The following FCAMR variants were observed in gnomAD, a reference collection of about 807,000 sequenced individuals.
FCAMR encodes the protein high affinity immunoglobulin alpha and immunoglobulin mu Fc receptor.
FCAMR carries 51 observed loss-of-function variants against 52.2 expected under a neutral mutation model. The ratio of observed to expected loss-of-function variants is 0.98; its 90% CI spans 0.78 to 1.23. FCAMR has a LOEUF of 1.23. Among genes scored for constraint, FCAMR ranks in the 50% most tolerant of loss-of-function variants. The pLI is 0.00. For missense variants in FCAMR, 719 were observed against 712.6 expected (o/e 1.01, Z -0.10); for synonymous variants, 282 against 262.0 (o/e 1.08, Z -0.74).
In FCAMR at chr1:206,960,918, A is replaced by T; in HGVS notation, c.958T>A (p.Ser320Thr). The change falls in exon 6 of 8, where the codon TCC becomes ACC. Residue 320 changes from serine (S) to threonine (T), a missense_variant. By Grantham distance (58) the Ser-to-Thr change is moderately conservative. Coordinates refer to ENST00000324852, the MANE Select transcript of FCAMR (RefSeq NM_001170631.2). ...ESPPSKSRSMSNTTEGVWEGT... is the reference protein window; with the variant it reads ...ESPPSKSRSMTNTTEGVWEGT... Reference sequence around the variant, plus strand: ...TCCCAAACACCTTCTGTTGTATTGGACATGCTTCTGCTCTTTGAAGGTGGA... The same window carrying T: ...TCCCAAACACCTTCTGTTGTATTGGTCATGCTTCTGCTCTTTGAAGGTGGA... The T allele has an allele frequency of 6.4e-7, 1 of 1,552,290 alleles. No individual in the cohort carries two copies. The highest frequency in any genetic ancestry group is 8.7e-7 in the Non-Finnish European group (1 of 1,147,134).
At chr1:206,965,325 G>C (rs763058369) in intron 4 of FCAMR, among the ~76,000 whole-genome samples, 5 of 152,112 alleles carry the variant, frequency 3.3e-5, no homozygotes, top group Non-Finnish European at 7.4e-5. Context: ...ATCAACCCTT[G>C]CAAATGCACA....
Position 206,961,016 on chromosome 1 carries a change from G to A in FCAMR, c.860C>T (p.Thr287Ile). 6.4e-7 allele frequency: 1 copy of A among 1,551,894 alleles called. No individual in the cohort carries two copies. Among genetic ancestry groups the A allele is most frequent in the Non-Finnish European group, 8.7e-7 (1 of 1,147,028 alleles). The change falls in exon 6 of 8, where the codon ACC becomes ATC. Residue 287 changes from threonine to isoleucine, a missense_variant. Transcript: ENST00000324852. ...SAEGRRTPGA[T>I]RPAAPGTGSW... ...GCCTGTCCCTGGAGCTGCTGGCCTG[G>A]TTGCTCCTGGGGTTCGTCTTCCCTC...
At chr1:206,960,051 G>A (rs374851125) in intron 6 of FCAMR, 1 of 520,056 alleles carries the variant, frequency 1.9e-6, no homozygotes. Context: ...GTGAGAAAGA[G>A]GACTAGGTGG....
chr1:206,960,751 G>A lies in FCAMR; in HGVS notation c.1125C>T (p.Thr375=). 1.3e-6 allele frequency: 2 copies of A among 1,552,374 alleles called. No individual in the cohort carries two copies. The highest frequency in any genetic ancestry group is 2.0e-5 in the Admixed American group (1 of 51,016). ...ALDAAKKVLG[T]IGPPALVSET... ...CTGAGACCAGAGCTGGTGGCCCAAT[G>A]GTTCCTAGGACCTTTTTGGCTGCAT... is the stretch of plus-strand genomic sequence containing the variant. Residue 375 remains threonine, a synonymous_variant, in exon 6 of 8, where the codon ACC becomes ACT. Coordinates refer to ENST00000324852, the MANE Select transcript of FCAMR (RefSeq NM_001170631.2).
chr1:206,958,864 A>G, intron 7 of FCAMR, 188 bp from the exon 8 acceptor site: 1 of 717,348 alleles, frequency 1.4e-6, no homozygotes, highest in Non-Finnish European at 2.5e-6. Flanking sequence ...CCTGGGTCTG[A>G]GAACCTTAGC....
Position 206,960,643 on chromosome 1 carries a change from T to A in FCAMR, c.1233A>T (p.Pro411=), listed in dbSNP as rs965614470. The change falls in exon 6 of 8, where the codon CCA becomes CCT. Residue 411 remains proline (P), a synonymous_variant. Transcript: ENST00000324852. ...QSQGSIGETT[P]AAGMWTLGTP... is the part of the protein sequence containing the mutation. ...TTCCCAAGGTCCACATGCCTGCAGC[T>A]GGAGTTGTTTCTCCAATGGAACCCT... The A allele has an allele frequency of 1.9e-6, 3 of 1,551,870 alleles. No individual in the cohort carries two copies. In the African/African-American group the frequency reaches 4.1e-5, roughly 21 times the overall value.
At position 206,958,407 on chromosome 1, in the gene FCAMR, C is replaced by T; in HGVS notation, c.*109G>A. ...ATGGGTGGAGCACCGGCTGCATCAG[C>T]TTCTCTTCCCACAGGTGGAGGAAGG... is the stretch of plus-strand genomic sequence containing the variant. On this transcript the variant is annotated 3_prime_UTR_variant, in exon 8 of 8. Coordinates refer to ENST00000324852, the MANE Select transcript of FCAMR (RefSeq NM_001170631.2). 1 of 1,275,632 alleles carries T rather than the reference C, an allele frequency of 7.8e-7. No individual in the cohort carries two copies. The highest frequency in any genetic ancestry group is 1.1e-6 in the Non-Finnish European group (1 of 942,590). 79.0% of individuals were successfully genotyped at this position (1,275,632 alleles called of 1,614,324 possible). A position where few individuals can be genotyped will look rare whatever the true frequency, so the allele number is the denominator to read the frequency against.
Position 206,960,632 on chromosome 1 carries a change from A to C in FCAMR, c.1244T>G (p.Met415Arg). 1 of 1,551,902 alleles carries C rather than the reference A, an allele frequency of 6.4e-7. No individual in the cohort carries two copies. Among genetic ancestry groups the C allele is most frequent in the East Asian group, 2.4e-5 (1 of 40,922 alleles). Residue 415 changes from methionine to arginine, a missense_variant, in exon 6 of 8, where the codon ATG (methionine) becomes AGG (arginine). Transcript: ENST00000324852. ...TGCAGCTGGAGTTCCCAAGGTCCAC[A>C]TGCCTGCAGCTGGAGTTGTTTCTCC... Reference protein sequence around the residue: ...SIGETTPAAGMWTLGTPAADV... With the variant: ...SIGETTPAAGRWTLGTPAADV...
rs1680480181 is a variant in FCAMR at position 206,960,800 on chromosome 1, A to G, written c.1076T>C (p.Ile359Thr). 9 of 1,552,228 alleles carry G rather than the reference A, an allele frequency of 5.8e-6. No individual in the cohort carries two copies. Among genetic ancestry groups the G allele is most frequent in the South Asian group, 4.8e-5 (4 of 84,044 alleles). Residue 359 changes from isoleucine to threonine, a missense_variant, in exon 6 of 8, where the codon ATA (isoleucine) becomes ACA (threonine). Physicochemically the swap from Ile to Thr is moderately conservative, Grantham distance 89. Coordinates refer to ENST00000324852, the MANE Select transcript of FCAMR (RefSeq NM_001170631.2). ...TTKADRPRED[I>T]EGVRIALDAA... Reference sequence around the variant, plus strand: ...ATCAAGAGCTATCCTGACCCCCTCTATGTCCTCCCTTGGCCTATCAGCCTT... The same window carrying G: ...ATCAAGAGCTATCCTGACCCCCTCTGTGTCCTCCCTTGGCCTATCAGCCTT...
chr1:206,960,900 C>T lies in FCAMR; in HGVS notation c.976G>A (p.Val326Ile), dbSNP rs762438858. Reference protein sequence around the residue: ...SRSMSNTTEGVWEGTRSSVTN... With the variant: ...SRSMSNTTEGIWEGTRSSVTN... Reference sequence around the variant, plus strand: ...ACCGAGCTTCTGGTGCCCTCCCAAACACCTTCTGTTGTATTGGACATGCTT... The same window carrying T: ...ACCGAGCTTCTGGTGCCCTCCCAAATACCTTCTGTTGTATTGGACATGCTT... The change falls in exon 6 of 8, where the codon GTT becomes ATT. Residue 326 changes from valine to isoleucine, a missense_variant. By Grantham distance (29) the Val-to-Ile change is conservative. Coordinates refer to ENST00000324852, the MANE Select transcript of FCAMR (RefSeq NM_001170631.2). 38 of 1,552,298 alleles carry T rather than the reference C, an allele frequency of 2.4e-5. No homozygotes were observed. The highest frequency in any genetic ancestry group is 3.2e-5 in the Non-Finnish European group (37 of 1,147,162).
chr1:206,961,093 T>C lies in FCAMR; in HGVS notation c.783A>G (p.Ala261=), dbSNP rs1680493196. The change falls in exon 6 of 8, where the codon GCA becomes GCG. Residue 261 remains alanine (A), a synonymous_variant. Transcript: ENST00000324852. ...CTGGAGTGGAAGCAACTGTGTCCCA[T>C]GCTGTCCCCTGTCCTAAGGTCTGGG... ...GTTQTLGQGT[A]WDTVASTPGT... is the part of the protein sequence containing the mutation. 6.4e-7 allele frequency: 1 copy of C among 1,551,880 alleles called. No homozygotes were observed. The highest frequency in any genetic ancestry group is 8.7e-7 in the Non-Finnish European group (1 of 1,147,038).
In FCAMR at chr1:206,967,607, A is replaced by G; in HGVS notation, c.84T>C (p.Ile28=). The change falls in exon 2 of 8, where the codon ATT becomes ATC. Residue 28 remains isoleucine, a synonymous_variant. Transcript: ENST00000324852. ...RGREVDYSRL[I]AGTLPQSHVT... is the part of the protein sequence containing the mutation. ...CGTGAGATTGTGGTAAAGTGCCAGCAATGAGCCTGGAGTAGTCCACTTCTC... is the reference window on the plus strand; with the variant it reads ...CGTGAGATTGTGGTAAAGTGCCAGCGATGAGCCTGGAGTAGTCCACTTCTC... 6.2e-7 allele frequency: 1 copy of G among 1,614,172 alleles called. No individual in the cohort carries two copies. Among genetic ancestry groups the G allele is most frequent in the Non-Finnish European group, 8.5e-7 (1 of 1,179,998 alleles).
intron 3 of FCAMR, among the ~76,000 whole-genome samples, chr1:206,966,521 G>A (rs1161540353): frequency 6.6e-6 from 1 of 152,158 alleles, no homozygotes; most frequent in East Asian, 1.9e-4. Flanking sequence ...GAGTAGCTGG[G>A]ACTACAGGTG....
In FCAMR at chr1:206,958,514, C is replaced by A; in HGVS notation, c.*2G>T. On this transcript the variant is annotated 3_prime_UTR_variant, in exon 8 of 8. Coordinates refer to ENST00000324852, the MANE Select transcript of FCAMR (RefSeq NM_001170631.2). Reference sequence around the variant, plus strand: ...TAACTGAGCAGTTCATCTCTCTGTCCCTCAGGGTCCTGGATTTCTCTCTGG... The same window carrying A: ...TAACTGAGCAGTTCATCTCTCTGTCACTCAGGGTCCTGGATTTCTCTCTGG... 6.2e-7 allele frequency: 1 copy of A among 1,610,666 alleles called. No homozygotes were observed.
Position 206,970,101 on chromosome 1 carries a change from G to A in FCAMR, c.25C>T (p.Pro9Ser). Reference protein sequence around the residue: MDGEATVKPGEQKEVVRRG... With the variant: MDGEATVKSGEQKEVVRRG... The stretch of plus-strand genomic sequence containing the variant: ...CATCATTTCACCTTTTGTTCTCCAG[G>A]CTTCACTGTGGCCTCTCCATCCATC... Residue 9 changes from proline to serine, a missense_variant, in exon 1 of 8, where the codon CCT (proline) becomes TCT (serine). By Grantham distance (74) the Pro-to-Ser change is moderately conservative. Transcript: ENST00000324852. 6.2e-7 allele frequency: 1 copy of A among 1,614,064 alleles called. No homozygotes were observed. The highest frequency in any genetic ancestry group is 8.5e-7 in the Non-Finnish European group (1 of 1,179,978).
At position 206,965,842 on chromosome 1, in the gene FCAMR, A is replaced by G; in HGVS notation, c.186T>C (p.Leu62=). 3 of 1,606,054 alleles carry G rather than the reference A, an allele frequency of 1.9e-6. No homozygotes were observed. Among genetic ancestry groups the G allele is most frequent in the South Asian group, 2.2e-5 (2 of 89,868 alleles). The change falls in exon 4 of 8, where the codon CTT becomes CTC. Residue 62 remains leucine (L), a synonymous_variant. Transcript: ENST00000324852. ...LCLLQGSSFA[L]PQKRPHPRWL... ...ATCTCGGATGGGGTCTTTTTTGTGG[A>G]AGGGCGAAAGAAGAACCTGCAGCAA... is the stretch of plus-strand genomic sequence containing the variant.
rs1045622475 is a variant in FCAMR, at chr1:206,966,968, C to A, written c.169+84G>T. 6.6e-6 allele frequency: 9 copies of A among 1,354,996 alleles called. No individual in the cohort carries two copies. In the Admixed American group the frequency reaches 1.4e-4, roughly 21 times the overall value. The allele number at this position is 1,354,996 out of a possible 1,614,324, so 83.9% of individuals were successfully genotyped here. On this transcript the variant is annotated intron_variant, in intron 3 of 7. Transcript: ENST00000324852. ...TTATACCTGGACAGTTTTACCATAC[C>A]AGCCTGTGAGGACCTTTAGGGCAGC...
chr1:206,966,682 C>T (rs938635120), intron 3 of FCAMR, among the ~76,000 whole-genome samples: 1 of 152,170 alleles, frequency 6.6e-6, no homozygotes, highest in African/African-American at 2.4e-5. Context: ...TCACGTCCGA[C>T]CTTATTGGCT....
At chr1:206,964,567 C>T (rs1319374201) in intron 4 of FCAMR, among the ~76,000 whole-genome samples, 4 of 151,872 alleles carry the variant, frequency 2.6e-5, no homozygotes, top group South Asian at 2.1e-4. Context: ...GGCCTCCCCC[C>T]ACCCCTTCTC....
Sources: gnomAD v4.1 joint callset for allele counts (sites outside exome capture counted in the v4.1 genomes callset) on GRCh38, gnomAD v4.1.1 for gene constraint, MANE v1.5 for transcripts, NCBI Gene and HGNC (gene_info 2026-07-23, HGNC 2026-07-21) for gene names.